Variants in GRM8 observed in about 807,000 individuals in gnomAD.
GRM8 encodes metabotropic glutamate receptor 8.
In GRM8, 47 loss-of-function variants were observed where a neutral mutation model predicts 87.2. The observed-to-expected ratio is 0.54, with a 90% CI of 0.43 to 0.69. The LOEUF is 0.69. Ranked by LOEUF, GRM8 falls within the 30% of genes least tolerant of loss-of-function variation. GRM8 has a pLI of 0.00. For synonymous variants in GRM8, 396 were observed against 404.5 expected (o/e 0.98, Z 0.25); for missense variants, 1,019 against 1,139.2 (o/e 0.89, Z 1.52).
At chr7:126,949,905 C>T (rs879589457) in intron 3 of GRM8, among the ~76,000 whole-genome samples, 3 of 152,132 alleles carry the variant, frequency 2.0e-5, no homozygotes, top group African/African-American at 7.2e-5. Context: ...GATGAAAATG[C>T]CTCCTTTAAA....
In GRM8 at chr7:126,689,910, G is replaced by A. The variant is rs146887648; in HGVS notation, c.1357+79955C>T. Among the ~76,000 whole-genome samples the A allele has an allele frequency of 3.8e-3, 578 of 152,216 alleles. 4 individuals carry two copies. The highest frequency in any genetic ancestry group is 0.013 in the African/African-American group (540 of 41,538). The stretch of plus-strand genomic sequence containing the variant: ...TTGGACTGAATAAATACGTTCTGGC[G>A]GGGAGGGTCTGTTTTCCTGTGTTTA... On this transcript the variant is annotated intron_variant, in intron 7 of 10. Transcript: ENST00000339582.
chr7:126,482,674 T>C (rs1487251044), intron 9 of GRM8, among the ~76,000 whole-genome samples: 2 of 151,966 alleles, frequency 1.3e-5, no homozygotes, highest in African/African-American at 2.4e-5. Flanking sequence ...TTAATGGGTA[T>C]AGAATTTCAG....
intron 7 of GRM8, among the ~76,000 whole-genome samples, chr7:126,675,620 C>G (rs1470254528): frequency 6.6e-6 from 1 of 152,110 alleles, no homozygotes; most frequent in African/African-American, 2.4e-5. Flanking sequence ...TCACTGCATA[C>G]ATAGAAGTAC....
intron 2 of GRM8, among the ~76,000 whole-genome samples, chr7:127,160,615 G>T (rs1793047131): frequency 6.6e-6 from 1 of 152,058 alleles, no homozygotes; most frequent in Non-Finnish European, 1.5e-5. Flanking sequence ...TAATGGATCT[G>T]GAAAGAGGCG....
chr7:126,988,758 T>A (rs779940374), intron 3 of GRM8, among the ~76,000 whole-genome samples: 3 of 152,240 alleles, frequency 2.0e-5, no homozygotes, highest in Admixed American at 2.0e-4. Flanking sequence ...ATACAAACTA[T>A]ATACATGCAA....
chr7:126,785,816 C>T (rs1348086053), intron 6 of GRM8, among the ~76,000 whole-genome samples: 2 of 152,066 alleles, frequency 1.3e-5, no homozygotes, highest in Admixed American at 1.3e-4. Flanking sequence ...CTTCCTGCAC[C>T]ACCTCCTCTA....
intron 7 of GRM8, among the ~76,000 whole-genome samples, chr7:126,728,273 C>A (rs766437735): frequency 1.1e-4 from 16 of 152,162 alleles, no homozygotes; most frequent in Non-Finnish European, 2.1e-4. Context: ...CTGTGCCACA[C>A]AAAGCTCCTC....
intron 9 of GRM8, among the ~76,000 whole-genome samples, chr7:126,469,481 C>G (rs1352732264): frequency 6.6e-6 from 1 of 152,096 alleles, no homozygotes; most frequent in Non-Finnish European, 1.5e-5. Flanking sequence ...CTGTAGCTCC[C>G]ACAATCCCCA....
chr7:127,163,797 G>A (rs1196807742), intron 2 of GRM8, among the ~76,000 whole-genome samples: 1 of 151,992 alleles, frequency 6.6e-6, no homozygotes, highest in Non-Finnish European at 1.5e-5. Context: ...TTTTGCACAT[G>A]TTTAAAATTT....
chr7:126,848,276 T>C (rs946792204), intron 6 of GRM8, among the ~76,000 whole-genome samples: 7 of 152,196 alleles, frequency 4.6e-5, no homozygotes, highest in African/African-American at 1.4e-4. Context: ...AATGAGAGTC[T>C]AGAGCTGTAC....
At chr7:127,088,786 A>G (rs1260457524) in intron 3 of GRM8, among the ~76,000 whole-genome samples, 1 of 152,212 alleles carries the variant, frequency 6.6e-6, no homozygotes, top group Admixed American at 6.5e-5. Flanking sequence ...GGCTTTGACC[A>G]TATGTTTCAA....
At chr7:127,208,993 T>C (rs1026607966) in intron 2 of GRM8, among the ~76,000 whole-genome samples, 1 of 152,236 alleles carries the variant, frequency 6.6e-6, no homozygotes, top group African/African-American at 2.4e-5. Context: ...TAATAGTGTG[T>C]GTTTGTTTCA....
intron 3 of GRM8, among the ~76,000 whole-genome samples, chr7:127,055,608 C>T (rs1023104906): frequency 5.3e-5 from 8 of 152,074 alleles, no homozygotes; most frequent in Admixed American, 2.0e-4. Context: ...ACATTACTAA[C>T]GGTCTCAGCA....
intron 7 of GRM8, among the ~76,000 whole-genome samples, chr7:126,627,704 T>G (rs901539127): frequency 3.3e-5 from 5 of 152,170 alleles, no homozygotes; most frequent in Non-Finnish European, 4.4e-5. Context: ...TTCATCAGTT[T>G]AAGAAAGTCC....
At chr7:127,089,243 A>G (rs1319671552) in intron 3 of GRM8, among the ~76,000 whole-genome samples, 1 of 152,236 alleles carries the variant, frequency 6.6e-6, no homozygotes, top group African/African-American at 2.4e-5. Context: ...TTATGCAGCT[A>G]CAAGGCAGGG....
intron 9 of GRM8, among the ~76,000 whole-genome samples, chr7:126,525,764 C>T (rs1467792198): frequency 6.6e-6 from 1 of 152,062 alleles, no homozygotes; most frequent in Non-Finnish European, 1.5e-5. Context: ...TTTCTCCTTT[C>T]CTTCTAGTCT....
chr7:127,095,604 G>A (rs1282485045), intron 3 of GRM8: 1 of 152,036 alleles, frequency 6.6e-6, no homozygotes, highest in Non-Finnish European at 1.5e-5. Context: ...ATTTCCTTAG[G>A]AAACTGTGTT....
rs529766739 is a variant in GRM8, at chr7:126,467,535, T to C, written c.2431-21163A>G. The stretch of plus-strand genomic sequence containing the variant: ...ATTTAATATATTCTCATTGTGACAG[T>C]ATTTTAATTCTATTGAATTGTTGCT... On this transcript the variant is annotated intron_variant, in intron 9 of 10. Transcript: ENST00000339582. 9.2e-5 allele frequency among the ~76,000 whole-genome samples: 14 copies of C among 152,196 alleles called. No homozygotes were observed. The South Asian group carries it at 2.3e-3, about 25-fold the overall frequency.
intron 2 of GRM8, among the ~76,000 whole-genome samples, chr7:127,113,225 A>T (rs1440456584): frequency 6.6e-6 from 1 of 152,132 alleles, no homozygotes; most frequent in Non-Finnish European, 1.5e-5. Flanking sequence ...GTCTATTCAG[A>T]ATGCCATAAG....
Sources: gnomAD v4.1 joint callset for allele counts (sites outside exome capture counted in the v4.1 genomes callset) on GRCh38, gnomAD v4.1.1 for gene constraint, MANE v1.5 for transcripts, NCBI Gene and HGNC (gene_info 2026-07-23, HGNC 2026-07-21) for gene names.